FRAS1: variants seen among roughly 807,000 people sequenced by gnomAD.
FRAS1 encodes the protein extracellular matrix organizing protein FRAS1.
Under a neutral mutation model 435.2 loss-of-function variants are expected in FRAS1, and 290 were observed. The ratio of observed to expected loss-of-function variants is 0.67; its 90% CI spans 0.61 to 0.73. The LOEUF is 0.73. Among genes scored for constraint, FRAS1 ranks in the 30% least tolerant of loss-of-function variants. The probability of loss-of-function intolerance (pLI) is 0.00; values close to 1 mark genes in which losing one functional copy is unlikely to be tolerated. For synonymous variants in FRAS1, 1,800 were observed against 1,851.0 expected (o/e 0.97, Z 0.71); for missense variants, 4,860 against 5,001.5 (o/e 0.97, Z 0.85).
At chr4:78,342,085 G>A (rs1051672523) in intron 20 of FRAS1, among the ~76,000 whole-genome samples, 5 of 152,182 alleles carry the variant, frequency 3.3e-5, no homozygotes, top group African/African-American at 7.2e-5. Context: ...TACCTTGTGC[G>A]GGGCTGGCAA....
At chr4:78,068,714 A>C (rs1740182522) in intron 2 of FRAS1, 1 of 383,608 alleles carries the variant, frequency 2.6e-6, no homozygotes, top group Non-Finnish European at 5.1e-6. Context: ...AATTTCTGTC[A>C]AATTAAGTGT....
Position 78,508,730 on chromosome 4 carries a change from G to C in FRAS1, c.9505-1G>C. The C allele has an allele frequency of 6.2e-7, 1 of 1,613,618 alleles. No homozygotes were observed. Among genetic ancestry groups the C allele is most frequent in the Non-Finnish European group, 8.5e-7 (1 of 1,179,728 alleles). ...ACTGAAGCTTTGTTGCTCTTTCGCA[G>C]GTGGTCACACTTGCTGACTATGACC... is the stretch of plus-strand genomic sequence containing the variant. On this transcript the variant is annotated splice_acceptor_variant, in intron 62 of 73. Coordinates refer to ENST00000512123, the MANE Select transcript of FRAS1 (RefSeq NM_025074.7). LOFTEE classifies it high-confidence loss of function.
rs1721198385 is a variant in FRAS1, at chr4:78,516,010, C to A, written c.10386C>A (p.Phe3462Leu). Reference sequence around the variant, plus strand: ...GTGGGGGCTCTGTAACCGCTGACTTCCAGGTAGGTGCCCCGGGGCTTGTCT... The same window carrying A: ...GTGGGGGCTCTGTAACCGCTGACTTACAGGTAGGTGCCCCGGGGCTTGTCT... ...DVCGGSVTAD[F>L]QVRDSAQSFL... The change falls in exon 66 of 74, where the codon TTC becomes TTA. Residue 3462 changes from phenylalanine (F) to leucine (L), a missense_variant. Coordinates refer to ENST00000512123, the MANE Select transcript of FRAS1 (RefSeq NM_025074.7). 6.2e-7 allele frequency: 1 copy of A among 1,611,814 alleles called. No homozygotes were observed. The highest frequency in any genetic ancestry group is 1.7e-5 in the Admixed American group (1 of 59,840).
chr4:78,314,869 A>AT (rs60635677), intron 15 of FRAS1, among the ~76,000 whole-genome samples: 24 of 150,134 alleles, frequency 1.6e-4, no homozygotes, highest in African/African-American at 2.9e-4. Context: ...CCACCCTCAC[A>AT]TTTTTTTTTG....
intron 14 of FRAS1, among the ~76,000 whole-genome samples, chr4:78,307,820 G>C (rs1158431862): frequency 1.3e-5 from 2 of 152,174 alleles, no homozygotes; most frequent in African/African-American, 2.4e-5. Flanking sequence ...CGTCTTCTGC[G>C]TTGCTCACGT....
rs1719910471 is a variant in FRAS1, at chr4:78,478,202, A to G, written c.8098+141A>G. 16 of 927,380 alleles carry G rather than the reference A, an allele frequency of 1.7e-5. No individual in the cohort carries two copies. In the South Asian group the frequency reaches 3.1e-4, roughly 18 times the overall value. The allele number at this position is 927,380 out of a possible 1,614,324, so 57.4% of individuals were successfully genotyped here. A position where few individuals can be genotyped will look rare whatever the true frequency, so the allele number is the denominator to read the frequency against. ...ACTTATTAACTCATTTGGTTCCCAC[A>G]ACAACCCTGATGATGATTCTATCCA... On this transcript the variant is annotated intron_variant, in intron 55 of 73. Coordinates refer to ENST00000512123, the MANE Select transcript of FRAS1 (RefSeq NM_025074.7).
At chr4:78,197,912 GC>G (rs1178028955) in intron 2 of FRAS1, among the ~76,000 whole-genome samples, 4 of 148,132 alleles carry the variant, frequency 2.7e-5, no homozygotes, top group Non-Finnish European at 4.4e-5. Flanking sequence ...CTGCACTCCA[GC>G]CTGGGTGACA....
intron 2 of FRAS1, among the ~76,000 whole-genome samples, chr4:78,096,990 C>T (rs1357633483): frequency 6.6e-6 from 1 of 152,178 alleles, no homozygotes; most frequent in Non-Finnish European, 1.5e-5. Context: ...TTATGCTCTG[C>T]TTCCTTTATA....
intron 9 of FRAS1, among the ~76,000 whole-genome samples, chr4:78,267,919 A>T (rs996337443): frequency 1.3e-5 from 2 of 152,212 alleles, no homozygotes; most frequent in Non-Finnish European, 2.9e-5. Context: ...TGTTTTTAAG[A>T]GAGAGCAAAG....
intron 18 of FRAS1, among the ~76,000 whole-genome samples, chr4:78,329,624 A>T (rs1010252135): frequency 6.6e-6 from 1 of 152,234 alleles, no homozygotes; most frequent in Non-Finnish European, 1.5e-5. Context: ...GAGATGGGGT[A>T]GTGAGTCTCG....
intron 65 of FRAS1, among the ~76,000 whole-genome samples, chr4:78,514,169 C>A (rs1181859068): frequency 6.6e-6 from 1 of 152,356 alleles, no homozygotes; most frequent in East Asian, 1.9e-4. Context: ...TGTCCTACTT[C>A]CAGCTGACAC....
intron 2 of FRAS1, among the ~76,000 whole-genome samples, chr4:78,140,313 T>G (rs924542122): frequency 6.6e-6 from 1 of 152,152 alleles, no homozygotes; most frequent in African/African-American, 2.4e-5. Flanking sequence ...TGTTTTTTTC[T>G]TAGTTTGTTT....
intron 2 of FRAS1, among the ~76,000 whole-genome samples, chr4:78,179,637 AT>A (rs1721916117): frequency 6.6e-6 from 1 of 152,194 alleles, no homozygotes; most frequent in Non-Finnish European, 1.5e-5. Flanking sequence ...CCAGGTACTT[AT>A]TTCATCCAAA....
chr4:78,306,595 C>T (rs1317266774), intron 14 of FRAS1, among the ~76,000 whole-genome samples: 7 of 142,266 alleles, frequency 4.9e-5, no homozygotes, highest in African/African-American at 1.0e-4. Flanking sequence ...CTTCCCTTCT[C>T]GCTTCATTTC....
intron 50 of FRAS1, among the ~76,000 whole-genome samples, chr4:78,469,305 G>T (rs889605551): frequency 1.3e-5 from 2 of 152,194 alleles, no homozygotes; most frequent in Admixed American, 6.5e-5. Context: ...ACAGGGAGAT[G>T]CTAGATCCAA....
At chr4:78,130,486 T>C (rs1719631276) in intron 2 of FRAS1, among the ~76,000 whole-genome samples, 1 of 152,218 alleles carries the variant, frequency 6.6e-6, no homozygotes, top group African/African-American at 2.4e-5. Flanking sequence ...GTGCACACTT[T>C]TTAGGCGCCC....
At chr4:78,058,204 G>A (rs1212817711) in intron 1 of FRAS1, 119 bp downstream of exon 1, 7 of 829,058 alleles carry the variant, frequency 8.4e-6, no homozygotes, top group Non-Finnish European at 1.3e-5. Context: ...TGAGGTGGAA[G>A]TTTTTCTGGG....
At chr4:78,401,398 A>G (rs1732887384) in intron 30 of FRAS1, among the ~76,000 whole-genome samples, 1 of 152,246 alleles carries the variant, frequency 6.6e-6, no homozygotes, top group African/African-American at 2.4e-5. Context: ...GCTGGATAAA[A>G]TATAACAAGA....
intron 16 of FRAS1, among the ~76,000 whole-genome samples, chr4:78,316,434 T>C (rs114000047): frequency 6.6e-6 from 1 of 152,270 alleles, no homozygotes; most frequent in Non-Finnish European, 1.5e-5. Flanking sequence ...ACATCTCTCC[T>C]TAGCAGCCTC....
Sources: allele counts gnomAD v4.1 joint callset (sites outside exome capture counted in the v4.1 genomes callset), GRCh38; gene constraint gnomAD v4.1.1; transcripts MANE v1.5; gene names NCBI Gene and HGNC (gene_info 2026-07-23, HGNC 2026-07-21).